KATNB1: variants seen among roughly 807,000 people sequenced by gnomAD.
KATNB1 encodes katanin p80 WD40 repeat-containing subunit B1.
KATNB1 carries 38 observed loss-of-function variants against 82.3 expected under a neutral mutation model. That is an observed-to-expected ratio of 0.46 (90% confidence interval 0.36 to 0.61). The LOEUF (loss-of-function observed/expected upper bound fraction) is 0.61. Ranked by LOEUF, KATNB1 falls within the 20% of genes least tolerant of loss-of-function variation. The pLI, the probability that KATNB1 is intolerant of heterozygous loss-of-function variation, is 0.00. For synonymous variants in KATNB1, 361 were observed against 368.7 expected (o/e 0.98, Z 0.24); for missense variants, 749 against 915.7 (o/e 0.82, Z 2.35).
rs782410509 is a variant in KATNB1 at position 57,755,374 on chromosome 16, G to C, written c.1446G>C (p.Leu482=). 6.8e-6 allele frequency: 11 copies of C among 1,613,352 alleles called. No homozygotes were observed. The South Asian group carries it at 1.2e-4, about 18-fold the overall frequency. Residue 482 remains leucine, a synonymous_variant, in exon 16 of 20, where the codon CTG becomes CTC. Transcript: ENST00000379661. ...PAVKIPQQAE[L]VDEDAMSQIR... is the part of the protein sequence containing the mutation. ...TGAAGATCCCCCAGCAGGCCGAGCT[G>C]GTGGACGAGGATGCCATGTCACAGA...
In KATNB1 at chr16:57,756,616, G is replaced by T. The variant is rs1264967850; in HGVS notation, c.1835+144G>T. The T allele has an allele frequency of 8.6e-6, 10 of 1,168,384 alleles. No homozygotes were observed. In the East Asian group the frequency reaches 2.5e-4, roughly 29 times the overall value. 72.4% of individuals were successfully genotyped at this position (1,168,384 alleles called of 1,614,324 possible). A position where few individuals can be genotyped will look rare whatever the true frequency, so the allele number is the denominator to read the frequency against. On this transcript the variant is annotated intron_variant, in intron 19 of 19. Transcript: ENST00000379661. Reference sequence around the variant, plus strand: ...GGTCTGGGGCCATGGCTCAGGGTGTGGGTGGGCTTAGCCAGAGCTGGGTTC... The same window carrying T: ...GGTCTGGGGCCATGGCTCAGGGTGTTGGTGGGCTTAGCCAGAGCTGGGTTC...
chr16:57,741,121 G>A (rs371145593), intron 2 of KATNB1, among the ~76,000 whole-genome samples: 60 of 152,302 alleles, frequency 3.9e-4, no homozygotes, highest in Middle Eastern at 3.4e-3. Context: ...AATCTGAGCC[G>A]AAGCCCTGTG....
In KATNB1 at chr16:57,755,213, G is replaced by A. The variant is rs1555585374; in HGVS notation, c.1391G>A (p.Gly464Glu). ...CCTGCCACCCGGAACGAGCCCATCG[G>A]GCTGAAGGCCTCCGACTTCCTGCCC... is the stretch of plus-strand genomic sequence containing the variant. ...IIPATRNEPI[G>E]LKASDFLPAV... The change falls in exon 15 of 20, where the codon GGG (glycine) becomes GAG (glutamate). Residue 464 changes from glycine (G) to glutamate (E), a missense_variant. This residue lies in a region of KATNB1 where 407 missense variants were observed against 434.7 expected (regional missense o/e 0.94). Coordinates refer to ENST00000379661, the MANE Select transcript of KATNB1 (RefSeq NM_005886.3). 1.9e-6 allele frequency: 3 copies of A among 1,611,594 alleles called. No individual in the cohort carries two copies. Among genetic ancestry groups the A allele is most frequent in the African/African-American group, 2.7e-5 (2 of 75,066 alleles).
At chr16:57,756,251 T>C in intron 18 of KATNB1, 105 bp from the exon 19 acceptor site, 1 of 1,127,854 alleles carries the variant, frequency 8.9e-7, no homozygotes, top group Non-Finnish European at 1.3e-6. Context: ...TATGTGTGGG[T>C]GTGTCTGTGT....
Position 57,751,782 on chromosome 16 carries a change from C to A in KATNB1, c.516+58C>A. 1 of 1,533,858 alleles carries A rather than the reference C, an allele frequency of 6.5e-7. No individual in the cohort carries two copies. The highest frequency in any genetic ancestry group is 9.0e-7 in the Non-Finnish European group (1 of 1,116,312). On this transcript the variant is annotated intron_variant, in intron 7 of 19. Coordinates refer to ENST00000379661, the MANE Select transcript of KATNB1 (RefSeq NM_005886.3). This position sits in a 1 kb window ranked among gnomAD's most constrained non-coding sequence, Gnocchi z 6.3. The stretch of plus-strand genomic sequence containing the variant: ...GGGGGCTGGGGTCTGCTGATCACAG[C>A]AGGCTGAGTCCTCACCTCCCTCCTG...
intron 4 of KATNB1, 35 bp from the exon 5 acceptor site, chr16:57,750,792 C>G: frequency 6.4e-7 from 1 of 1,558,782 alleles, no homozygotes; most frequent in South Asian, 1.1e-5. Flanking sequence ...TCTCATTTGC[C>G]TCTTAGCCAC....
At chr16:57,754,032 T>C (rs1424959108) in intron 13 of KATNB1, 37 bp downstream of exon 13, 9 of 1,554,620 alleles carry the variant, frequency 5.8e-6, no homozygotes, top group Non-Finnish European at 8.0e-6. Context: ...AGGTCTCTGA[T>C]GCCCCCCCGT....
chr16:57,741,422 A>C (rs1229214272), intron 2 of KATNB1, among the ~76,000 whole-genome samples: 2 of 152,272 alleles, frequency 1.3e-5, no homozygotes, highest in African/African-American at 2.4e-5. Context: ...GGTGATATGC[A>C]GAAACAGGAA....
chr16:57,756,153 G>C lies in KATNB1; in HGVS notation c.1718+87G>C. On this transcript the variant is annotated intron_variant, in intron 18 of 19. Transcript: ENST00000379661. ...CCAGAACCATGGGAAGGACCCCCAA[G>C]AGCCTGGGTGTTCCTGTGAGCTGGC... The C allele has an allele frequency of 2.1e-6, 3 of 1,447,108 alleles. No individual in the cohort carries two copies. The South Asian group carries it at 3.5e-5, about 17-fold the overall frequency. The allele number at this position is 1,447,108 out of a possible 1,614,324, so 89.6% of individuals were successfully genotyped here. A position where few individuals can be genotyped will look rare whatever the true frequency, so the allele number is the denominator to read the frequency against.
rs576984451 is a variant in KATNB1, at chr16:57,751,757, G to A, written c.516+33G>A. ...CCGGCCTGACCTGGGCCCAGGGGCT[G>A]GGGGCTGGGGTCTGCTGATCACAGC... On this transcript the variant is annotated intron_variant, in intron 7 of 19. Coordinates refer to ENST00000379661, the MANE Select transcript of KATNB1 (RefSeq NM_005886.3). This position sits in a 1 kb window ranked among gnomAD's most constrained non-coding sequence, Gnocchi z 6.3. 6.9e-6 allele frequency: 11 copies of A among 1,594,378 alleles called. No homozygotes were observed. The highest frequency in any genetic ancestry group is 1.7e-5 in the Admixed American group (1 of 59,960).
chr16:57,753,391 T>A lies in KATNB1; in HGVS notation c.1049T>A (p.Val350Glu). Residue 350 changes from valine (V) to glutamate (E), a missense_variant and splice_region_variant, in exon 12 of 20, where the codon GTG becomes GAG. By Grantham distance (121) the Val-to-Glu change is moderately radical. This residue lies in a region of KATNB1 where 407 missense variants were observed against 434.7 expected (regional missense o/e 0.94). Coordinates refer to ENST00000379661, the MANE Select transcript of KATNB1 (RefSeq NM_005886.3). ...PSTTCSKPQR[V>E]KQNSESERRS... ...TGGGCTTGGCCTCACGCTCCCAGGG[T>A]GAAGCAGAACTCAGAGAGCGAGCGC... is the stretch of plus-strand genomic sequence containing the variant. 2 of 1,611,816 alleles carry A rather than the reference T, an allele frequency of 1.2e-6. No individual in the cohort carries two copies. Among genetic ancestry groups the A allele is most frequent in the Non-Finnish European group, 1.7e-6 (2 of 1,179,264 alleles).
At chr16:57,752,160 C>T (rs1352912857) in intron 8 of KATNB1, 105 bp downstream of exon 8, 17 of 761,446 alleles carry the variant, frequency 2.2e-5, no homozygotes, top group Non-Finnish European at 2.7e-5. Flanking sequence ...GGGTGTCATA[C>T]GTCTGATGAT....
chr16:57,751,161 GA>G lies in KATNB1; in HGVS notation c.391-98del, dbSNP rs2148794148. Reference sequence around the variant, plus strand: ...TCTCCGTGGGGAGTAACGACCTAGAGAAGGCTGGGCCCCACCGTCTGCTCAC... The same window carrying G: ...TCTCCGTGGGGAGTAACGACCTAGAGAGGCTGGGCCCCACCGTCTGCTCAC... On this transcript the variant is annotated intron_variant, in intron 5 of 19. Transcript: ENST00000379661. The surrounding 1 kb of genome is among the most constrained non-coding windows in gnomAD (Gnocchi z 6.3). 8.6e-7 allele frequency: 1 copy of G among 1,166,676 alleles called. No individual in the cohort carries two copies. The allele number at this position is 1,166,676 out of a possible 1,614,324, so 72.3% of individuals were successfully genotyped here.
At chr16:57,748,479 AAAAAAAGG>A (rs2049199574) in intron 4 of KATNB1, among the ~76,000 whole-genome samples, 1 of 151,462 alleles carries the variant, frequency 6.6e-6, no homozygotes, top group South Asian at 2.1e-4. Flanking sequence ...AAAAAAAAAA[AAAAAAAGG>A]AGAGAGAGAG....
chr16:57,739,368 C>A (rs75133964), intron 2 of KATNB1, among the ~76,000 whole-genome samples: 5,627 of 152,284 alleles, frequency 0.037, 154 homozygotes, highest in Non-Finnish European at 0.057. Flanking sequence ...GTCGTTGAAA[C>A]CTAGTACTTT....
Position 57,751,632 on chromosome 16 carries a change from C to A in KATNB1, c.433-9C>A. On this transcript the variant is annotated splice_polypyrimidine_tract_variant and intron_variant, in intron 6 of 19. Transcript: ENST00000379661. The surrounding 1 kb of genome is among the most constrained non-coding windows in gnomAD (Gnocchi z 6.3). ...TCCCAGGGTGAGCTCATGCCGTGTC[C>A]TCCCTCAGGGGCACAGCCAGGCCGT... The A allele has an allele frequency of 6.2e-7, 1 of 1,610,348 alleles. No individual in the cohort carries two copies.
intron 9 of KATNB1, 48 bp from the exon 10 acceptor site, chr16:57,752,730 A>G (rs1555583832): frequency 3.1e-6 from 5 of 1,591,814 alleles, no homozygotes; most frequent in Non-Finnish European, 4.3e-6. Context: ...CGGGGTGGGG[A>G]CCAGGCTGGG....
intron 13 of KATNB1, 27 bp from the exon 14 acceptor site, chr16:57,754,903 C>T (rs1282051997): frequency 1.2e-6 from 2 of 1,613,446 alleles, no homozygotes; most frequent in South Asian, 1.1e-5. Flanking sequence ...CTGGCCGGAC[C>T]CAGTCATCTT....
At chr16:57,743,604 C>T (rs1428810936) in intron 3 of KATNB1, among the ~76,000 whole-genome samples, 9 of 152,144 alleles carry the variant, frequency 5.9e-5, no homozygotes, top group Non-Finnish European at 1.0e-4. Flanking sequence ...GCCTGGCCTG[C>T]AGGCTTGTTT....
Sources: allele counts gnomAD v4.1 joint callset (sites outside exome capture counted in the v4.1 genomes callset), GRCh38; gene constraint gnomAD v4.1.1; regional missense constraint gnomAD v4.1.1; non-coding constraint Gnocchi (gnomAD v3.1); transcripts MANE v1.5; gene names NCBI Gene and HGNC (gene_info 2026-07-23, HGNC 2026-07-21).